The following ASIC2 variants were observed in gnomAD, a reference collection of about 807,000 sequenced individuals.
The protein encoded by ASIC2 is acid-sensing ion channel 2.
In ASIC2, 25 loss-of-function variants were observed where a neutral mutation model predicts 57.3. That is an observed-to-expected ratio of 0.44 (90% CI 0.32 to 0.61). The LOEUF is 0.61. Among genes scored for constraint, ASIC2 ranks in the 20% least tolerant of loss-of-function variants. The pLI is 0.06. For synonymous variants in ASIC2, 319 were observed against 307.5 expected, an observed-to-expected ratio of 1.04 and a Z score of -0.39; for missense variants, 641 against 738.1, an observed-to-expected ratio of 0.87 and a Z score of 1.52.
At chr17:34,121,557 A>G (rs1911620601) in intron 1 of ASIC2, among the ~76,000 whole-genome samples, 2 of 152,156 alleles carry the variant, frequency 1.3e-5, no homozygotes, top group African/African-American at 4.8e-5. Flanking sequence ...CCTCCAATCT[A>G]CAACCCACGC....
intron 1 of ASIC2, among the ~76,000 whole-genome samples, chr17:33,724,650 A>G (rs545625529): frequency 5.3e-5 from 8 of 152,318 alleles, no homozygotes; most frequent in Non-Finnish European, 1.0e-4. Context: ...GCAGCAGCCA[A>G]TTACTGGGAT....
At chr17:33,750,904 A>G (rs1463169195) in intron 1 of ASIC2, among the ~76,000 whole-genome samples, 1 of 152,180 alleles carries the variant, frequency 6.6e-6, no homozygotes, top group Non-Finnish European at 1.5e-5. Flanking sequence ...GGGGAAACAC[A>G]TTGGAGAGAT....
chr17:34,105,027 C>G (rs1372345999), intron 1 of ASIC2, among the ~76,000 whole-genome samples: 2 of 151,932 alleles, frequency 1.3e-5, no homozygotes, highest in African/African-American at 4.8e-5. Flanking sequence ...CTACTTCCTC[C>G]CTGAATGTTT....
intron 1 of ASIC2, among the ~76,000 whole-genome samples, chr17:33,408,618 C>G (rs1910547864): frequency 6.6e-6 from 1 of 152,240 alleles, no homozygotes; most frequent in South Asian, 2.1e-4. Flanking sequence ...CCTCCCTTTT[C>G]TCCCCTTTCT....
intron 1 of ASIC2, among the ~76,000 whole-genome samples, chr17:33,624,673 T>C (rs1466589426): frequency 6.6e-6 from 1 of 152,252 alleles, no homozygotes; most frequent in Non-Finnish European, 1.5e-5. Context: ...CAATTCACAC[T>C]ATCTCTTTTG....
intron 1 of ASIC2, among the ~76,000 whole-genome samples, chr17:33,223,459 A>G (rs1249767528): frequency 2.6e-5 from 4 of 152,222 alleles, no homozygotes; most frequent in Non-Finnish European, 4.4e-5. Context: ...CTGGGATTAC[A>G]GGCGTGAGCC....
At chr17:33,410,602 G>A (rs957967419) in intron 1 of ASIC2, among the ~76,000 whole-genome samples, 3 of 152,134 alleles carry the variant, frequency 2.0e-5, no homozygotes, top group African/African-American at 7.2e-5. Context: ...TCAGGCTGTA[G>A]TCTCAGTGCT....
intron 1 of ASIC2, among the ~76,000 whole-genome samples, chr17:33,642,395 C>T (rs187306119): frequency 8.5e-4 from 129 of 152,294 alleles, no homozygotes; most frequent in African/African-American, 3.0e-3. Context: ...GAGTACCAGG[C>T]TAGGCAGCTC....
intron 1 of ASIC2, among the ~76,000 whole-genome samples, chr17:33,198,115 C>G (rs1906711109): frequency 6.6e-6 from 1 of 152,134 alleles, no homozygotes; most frequent in African/African-American, 2.4e-5. Flanking sequence ...TTTGGGAGGC[C>G]AAGGCAGGTG....
chr17:33,396,250 CA>C (rs1567847517), intron 1 of ASIC2, among the ~76,000 whole-genome samples: 4 of 152,180 alleles, frequency 2.6e-5, no homozygotes, highest in African/African-American at 9.7e-5. Context: ...CTCATTGCAG[CA>C]TCCAGGAGCA....
At chr17:33,977,736 CTACCTGAGTA>C (rs1214355280) in intron 1 of ASIC2, among the ~76,000 whole-genome samples, 3 of 152,176 alleles carry the variant, frequency 2.0e-5, no homozygotes, top group Non-Finnish European at 4.4e-5. Flanking sequence ...TCTGTCGATT[CTACCTGAGTA>C]TACGTAGGTT....
upstream of ASIC2, among the ~76,000 whole-genome samples, chr17:33,297,131 T>A (rs1905750980): frequency 6.6e-6 from 1 of 152,250 alleles, no homozygotes; most frequent in African/African-American, 2.4e-5. Flanking sequence ...AGCACGTTGA[T>A]GCTGAAAGGG....
chr17:34,094,449 C>T (rs79977850), intron 1 of ASIC2, among the ~76,000 whole-genome samples: 18,702 of 152,168 alleles, frequency 0.12, 1,256 homozygotes, highest in Admixed American at 0.19. Flanking sequence ...TGCTGCAGGA[C>T]GCTGACTCCT....
intron 1 of ASIC2, among the ~76,000 whole-genome samples, chr17:34,091,026 C>T (rs907201154): frequency 6.6e-6 from 1 of 152,204 alleles, no homozygotes; most frequent in Non-Finnish European, 1.5e-5. Context: ...CCAACCTGGG[C>T]CTCAGTTCTT....
At chr17:33,493,903 T>C (rs1012050384) in intron 1 of ASIC2, among the ~76,000 whole-genome samples, 2 of 152,230 alleles carry the variant, frequency 1.3e-5, no homozygotes, top group Non-Finnish European at 2.9e-5. Context: ...AAATGTACCC[T>C]ATACAATGCT....
intron 1 of ASIC2, among the ~76,000 whole-genome samples, chr17:34,040,105 A>T (rs972782154): frequency 3.9e-5 from 5 of 127,102 alleles, no homozygotes; most frequent in African/African-American, 1.1e-4. Context: ...TCGCGTACAG[A>T]GCCAGGCGCC....
intron 1 of ASIC2, among the ~76,000 whole-genome samples, chr17:33,855,060 G>A (rs1366554273): frequency 6.6e-6 from 1 of 152,104 alleles, no homozygotes; most frequent in Non-Finnish European, 1.5e-5. Context: ...GGAAGGGCAT[G>A]CCGGCAGCAG....
intron 1 of ASIC2, among the ~76,000 whole-genome samples, chr17:33,511,665 G>C (rs1195705740): frequency 1.3e-5 from 2 of 152,150 alleles, no homozygotes; most frequent in Non-Finnish European, 2.9e-5. Context: ...GCCATAGCCA[G>C]AGAACTTGGG....
At chr17:33,684,328 G>C (rs953979655) in intron 1 of ASIC2, among the ~76,000 whole-genome samples, 16 of 151,592 alleles carry the variant, frequency 1.1e-4, no homozygotes, top group Non-Finnish European at 1.9e-4. Flanking sequence ...GGGGTGGGGA[G>C]GGGGGTGCTC....
Sources: allele counts gnomAD v4.1 joint callset (sites outside exome capture counted in the v4.1 genomes callset), GRCh38; gene constraint gnomAD v4.1.1; transcripts MANE v1.5; gene names NCBI Gene and HGNC (gene_info 2026-07-23, HGNC 2026-07-21).